Variants in MIER1 observed in about 807,000 individuals in gnomAD.
MIER1 encodes MIER1 transcriptional regulator.
MIER1 carries 40 observed loss-of-function variants against 75.7 expected under a neutral mutation model. That is an observed-to-expected ratio of 0.53 (90% CI 0.41 to 0.69). The LOEUF is 0.69. MIER1 is among the 30% of genes least tolerant of loss of function. The pLI, the probability that MIER1 is intolerant of heterozygous loss-of-function variation, is 0.00. For synonymous variants in MIER1, 213 were observed against 223.4 expected (o/e 0.95, Z 0.42); for missense variants, 574 against 680.2 (o/e 0.84, Z 1.74).
chr1:66,988,302 A>T lies in MIER1; in HGVS notation c.*3402A>T, dbSNP rs952153185. 1.7e-4 allele frequency: 26 copies of T among 152,274 alleles called. No homozygotes were observed. Among genetic ancestry groups the T allele is most frequent in the Admixed American group, 3.9e-4 (6 of 15,278 alleles). The allele number at this position is 152,274 out of a possible 1,614,324, so 9.4% of individuals were successfully genotyped here. On this transcript the variant is annotated 3_prime_UTR_variant, in exon 14 of 14. Transcript: ENST00000401041. ...TTTTCTGTATCACATAATTCTACTG[A>T]TACAACTTTTTACCGTAAAAATTAA...
chr1:66,937,765 A>G (rs906179524), intron 2 of MIER1, among the ~76,000 whole-genome samples: 2 of 152,204 alleles, frequency 1.3e-5, no homozygotes, highest in African/African-American at 4.8e-5. Flanking sequence ...ATACAAAGTA[A>G]TGTTTTACAG....
chr1:66,977,801 A>T (rs946137592), intron 12 of MIER1, among the ~76,000 whole-genome samples: 3 of 152,204 alleles, frequency 2.0e-5, no homozygotes, highest in African/African-American at 7.2e-5. Flanking sequence ...TGTTTACAGA[A>T]TAAAAAAATA....
At chr1:66,934,404 T>G (rs992501370) in intron 2 of MIER1, among the ~76,000 whole-genome samples, 28 of 81,932 alleles carry the variant, frequency 3.4e-4, no homozygotes, top group Non-Finnish European at 6.1e-4. Flanking sequence ...TTTCTTTCTT[T>G]CTTTTTTTTT....
chr1:66,976,892 CTATTA>C (rs2101976557), intron 12 of MIER1, among the ~76,000 whole-genome samples, 170 bp downstream of exon 12: 1 of 152,246 alleles, frequency 6.6e-6, no homozygotes, highest in African/African-American at 2.4e-5. Context: ...ACTTTACCAT[CTATTA>C]TATCTTCATA....
At position 66,928,803 on chromosome 1, in the gene MIER1, C is replaced by T. The variant is rs1652426252; in HGVS notation, c.168+2561C>T. On this transcript the variant is annotated intron_variant, in intron 2 of 13. Coordinates refer to ENST00000401041, the MANE Select transcript of MIER1 (RefSeq NM_001077700.3). ...TAAAAAATAAAATGAAAATACTGTACAGTACAGTTAATGGTAAAAATTGTT... is the reference window on the plus strand; with the variant it reads ...TAAAAAATAAAATGAAAATACTGTATAGTACAGTTAATGGTAAAAATTGTT... 2.7e-5 allele frequency: 21 copies of T among 764,914 alleles called. No individual in the cohort carries two copies. The South Asian group carries it at 3.4e-4, about 12-fold the overall frequency. The allele number at this position is 764,914 out of a possible 1,614,324, so 47.4% of individuals were successfully genotyped here.
chr1:66,985,037 G>A lies in MIER1; in HGVS notation c.*137G>A, dbSNP rs1666598928. 2 of 1,377,500 alleles carry A rather than the reference G, an allele frequency of 1.5e-6. No individual in the cohort carries two copies. The highest frequency in any genetic ancestry group is 2.7e-5 in the East Asian group (1 of 36,690). The allele number at this position is 1,377,500 out of a possible 1,614,324, so 85.3% of individuals were successfully genotyped here. A position where few individuals can be genotyped will look rare whatever the true frequency, so the allele number is the denominator to read the frequency against. On this transcript the variant is annotated 3_prime_UTR_variant, in exon 14 of 14. Coordinates refer to ENST00000401041, the MANE Select transcript of MIER1 (RefSeq NM_001077700.3). Reference sequence around the variant, plus strand: ...ATTGAGTCTTAACTTTAGGAAATGAGGTTTCATAATTCTGCCTTTTGCAGA... The same window carrying A: ...ATTGAGTCTTAACTTTAGGAAATGAAGTTTCATAATTCTGCCTTTTGCAGA...
intron 11 of MIER1, among the ~76,000 whole-genome samples, chr1:66,973,222 C>T (rs1307425332): frequency 6.6e-6 from 1 of 152,018 alleles, no homozygotes; most frequent in Non-Finnish European, 1.5e-5. Flanking sequence ...GAATTGTACT[C>T]ATTTACAAGC....
At chr1:66,926,931 A>ATG (rs1651965335) in intron 2 of MIER1, among the ~76,000 whole-genome samples, 1 of 151,840 alleles carries the variant, frequency 6.6e-6, no homozygotes, top group East Asian at 1.9e-4. Context: ...GTATATATAT[A>ATG]TATGTTACTT....
chr1:66,974,259 T>A (rs765856662), intron 11 of MIER1, among the ~76,000 whole-genome samples: 3 of 152,104 alleles, frequency 2.0e-5, no homozygotes, highest in Admixed American at 1.3e-4. Context: ...GTAATTAGTT[T>A]CAAAAATGTA....
chr1:66,957,217 A>G (rs186299210), intron 4 of MIER1, among the ~76,000 whole-genome samples: 21 of 152,326 alleles, frequency 1.4e-4, no homozygotes, highest in Admixed American at 9.8e-4. Context: ...AGTAGTTTGT[A>G]TAGAAAGCTG....
At chr1:66,966,171 C>A (rs1446455256) in intron 8 of MIER1, among the ~76,000 whole-genome samples, 1 of 152,004 alleles carries the variant, frequency 6.6e-6, no homozygotes, top group Non-Finnish European at 1.5e-5. Flanking sequence ...ATCTCCTAAT[C>A]CTATCCCTTG....
At chr1:66,949,874 A>G (rs536700978) in intron 4 of MIER1, among the ~76,000 whole-genome samples, 19 of 152,356 alleles carry the variant, frequency 1.2e-4, no homozygotes, top group South Asian at 4.1e-4. Flanking sequence ...GGAAATATCA[A>G]TAACTGTATA....
At chr1:66,936,307 C>G (rs1654824890) in intron 2 of MIER1, among the ~76,000 whole-genome samples, 1 of 151,794 alleles carries the variant, frequency 6.6e-6, no homozygotes, top group Non-Finnish European at 1.5e-5. Flanking sequence ...ACTGCAACCT[C>G]CGCCTCCTGG....
intron 1 of MIER1, 191 bp downstream of exon 1, chr1:66,925,286 C>G: frequency 1.0e-6 from 1 of 984,446 alleles, no homozygotes; most frequent in Non-Finnish European, 1.2e-6. Flanking sequence ...CTGCCAAAGG[C>G]GCATGCGCAG....
At chr1:66,961,059 A>G (rs1211978544) in intron 7 of MIER1, among the ~76,000 whole-genome samples, 1 of 152,156 alleles carries the variant, frequency 6.6e-6, no homozygotes, top group African/African-American at 2.4e-5. Context: ...GCTGGAGGGT[A>G]TTAATTACCC....
intron 2 of MIER1, among the ~76,000 whole-genome samples, chr1:66,936,344 C>T (rs1654833056): frequency 6.6e-6 from 1 of 151,486 alleles, no homozygotes; most frequent in African/African-American, 2.4e-5. Flanking sequence ...TTCAGCCTCC[C>T]AAGTAGCTGG....
intron 2 of MIER1, chr1:66,930,219 G>A (rs1652787486): frequency 7.9e-6 from 11 of 1,396,336 alleles, no homozygotes; most frequent in Admixed American, 3.7e-5. Context: ...AGGGGGCGGA[G>A]TGGGGTGTGG....
At chr1:66,959,995 G>A (rs1660949442) in intron 7 of MIER1, 1 of 223,020 alleles carries the variant, frequency 4.5e-6, no homozygotes, top group African/African-American at 2.3e-5. Flanking sequence ...GAGGCAGGCG[G>A]ATCGCTTGAG....
rs1447893804 is a variant in MIER1 at position 66,988,198 on chromosome 1, CA to C, written c.*3299del. On this transcript the variant is annotated 3_prime_UTR_variant, in exon 14 of 14. Transcript: ENST00000401041. Reference sequence around the variant, plus strand: ...CATGAAAAATGCCAGTGTGGAAAACCATGTAACATACAGAAGAACAGGAGTT... The same window carrying C: ...CATGAAAAATGCCAGTGTGGAAAACCTGTAACATACAGAAGAACAGGAGTT... 2.0e-5 allele frequency: 3 copies of C among 152,236 alleles called. No homozygotes were observed. The highest frequency in any genetic ancestry group is 7.2e-5 in the African/African-American group (3 of 41,416). The allele number at this position is 152,236 out of a possible 1,614,324, so 9.4% of individuals were successfully genotyped here.
Sources: allele counts gnomAD v4.1 joint callset (sites outside exome capture counted in the v4.1 genomes callset), GRCh38; gene constraint gnomAD v4.1.1; transcripts MANE v1.5; gene names NCBI Gene and HGNC (gene_info 2026-07-23, HGNC 2026-07-21).